The following ADCY5 variants were observed in gnomAD, a reference collection of about 807,000 sequenced individuals.
The protein encoded by ADCY5 is adenylate cyclase type 5.
A neutral mutation model predicts 119.7 loss-of-function variants in ADCY5; 30 were observed. The ratio of observed to expected loss-of-function variants is 0.25; its 90% CI spans 0.19 to 0.34. The LOEUF (loss-of-function observed/expected upper bound fraction) is 0.34, where lower values mean the gene tolerates loss of function less well. Among genes scored for constraint, ADCY5 ranks in the 10% least tolerant of loss-of-function variants. The pLI is 1.00. For missense variants in ADCY5, 1,324 were observed against 1,775.2 expected, an observed-to-expected ratio of 0.75 and a Z score of 4.57; for synonymous variants, 753 against 762.2, an observed-to-expected ratio of 0.99 and a Z score of 0.20.
chr3:123,448,624 G>T lies in ADCY5; in HGVS notation c.-79C>A. ...GTCTCCAAGGGGAGGGCGGACGGCCGAGCAGGGGGACCAGGCTAGGGTCAC... is the reference window on the plus strand; with the variant it reads ...GTCTCCAAGGGGAGGGCGGACGGCCTAGCAGGGGGACCAGGCTAGGGTCAC... On this transcript the variant is annotated 5_prime_UTR_variant, in exon 1 of 21. Transcript: ENST00000462833. The T allele has an allele frequency of 8.1e-7, 1 of 1,228,928 alleles. No homozygotes were observed. Among genetic ancestry groups the T allele is most frequent in the African/African-American group, 1.6e-5 (1 of 64,070 alleles). The allele number at this position is 1,228,928 out of a possible 1,614,324, so 76.1% of individuals were successfully genotyped here.
chr3:123,440,485 A>G (rs1247491247), intron 1 of ADCY5, among the ~76,000 whole-genome samples: 1 of 142,634 alleles, frequency 7.0e-6, no homozygotes, highest in South Asian at 2.4e-4. Context: ...TTGTGACCAT[A>G]TCTCATTGTT....
intron 3 of ADCY5, among the ~76,000 whole-genome samples, chr3:123,334,206 A>G (rs181919537): frequency 6.6e-6 from 1 of 152,132 alleles, no homozygotes; most frequent in Non-Finnish European, 1.5e-5. Context: ...ATGTCATCTC[A>G]CTGAGTCCGC....
At chr3:123,393,154 C>CG (rs1559857918) in intron 1 of ADCY5, among the ~76,000 whole-genome samples, 2 of 152,168 alleles carry the variant, frequency 1.3e-5, no homozygotes, top group Admixed American at 6.5e-5. Flanking sequence ...CAAAAGAGCC[C>CG]GGGGTCGAGA....
At chr3:123,406,540 C>G (rs1245668545) in intron 1 of ADCY5, among the ~76,000 whole-genome samples, 2 of 152,240 alleles carry the variant, frequency 1.3e-5, no homozygotes, top group African/African-American at 4.8e-5. Flanking sequence ...TGCCCCTGAT[C>G]AGCAAAGCGG....
chr3:123,389,796 A>T (rs1944348856), intron 1 of ADCY5, among the ~76,000 whole-genome samples: 1 of 152,210 alleles, frequency 6.6e-6, no homozygotes, highest in Non-Finnish European at 1.5e-5. Flanking sequence ...CTCCAGCCTG[A>T]AGTGAATACC....
At chr3:123,345,551 C>T (rs1415363506) in intron 3 of ADCY5, among the ~76,000 whole-genome samples, 1 of 152,162 alleles carries the variant, frequency 6.6e-6, no homozygotes, top group Admixed American at 6.5e-5. Context: ...AGCTCAGTGA[C>T]TTGGCTCGTA....
At chr3:123,395,208 T>C (rs1329942175) in intron 1 of ADCY5, among the ~76,000 whole-genome samples, 2 of 152,202 alleles carry the variant, frequency 1.3e-5, no homozygotes. Flanking sequence ...ATCTGATAAA[T>C]GGGCAATCCA....
intron 3 of ADCY5, among the ~76,000 whole-genome samples, chr3:123,345,761 G>GACACACACACACACACACACACACAC (rs1491583420): frequency 1.7e-4 from 6 of 35,988 alleles, no homozygotes; most frequent in African/African-American, 6.3e-4. Flanking sequence ...CAGACAGACA[G>GACACACACACACACACACACACACAC]ACAGACAGAC....
chr3:123,320,215 T>A (rs1941146230), intron 9 of ADCY5, among the ~76,000 whole-genome samples: 1 of 152,202 alleles, frequency 6.6e-6, no homozygotes, highest in South Asian at 2.1e-4. Flanking sequence ...CAGTGAGAGT[T>A]TCTGCCAGTT....
chr3:123,359,095 T>G (rs1576620426), intron 1 of ADCY5, among the ~76,000 whole-genome samples: 1 of 150,078 alleles, frequency 6.7e-6, no homozygotes, highest in Non-Finnish European at 1.5e-5. Context: ...GGAAGACCCC[T>G]GCTCAGTTTG....
intron 1 of ADCY5, among the ~76,000 whole-genome samples, chr3:123,374,659 C>T (rs1432307311): frequency 2.0e-5 from 3 of 152,104 alleles, no homozygotes; most frequent in Non-Finnish European, 4.4e-5. Flanking sequence ...GGCTCCACCC[C>T]AGAAGGAAGA....
chr3:123,321,754 A>C (rs1306769646), intron 8 of ADCY5, among the ~76,000 whole-genome samples: 1 of 152,224 alleles, frequency 6.6e-6, no homozygotes, highest in East Asian at 1.9e-4. Context: ...TTGAAAATAC[A>C]AAAAGAGGGA....
At position 123,447,471 on chromosome 3, in the gene ADCY5, C is replaced by A. The variant is rs910201925; in HGVS notation, c.1075G>T (p.Ala359Ser). ...AAVLSGVLLS[A>S]LHLAIALRTN... is the part of the protein sequence containing the mutation. ...CGCAGGGCGATGGCCAGGTGGAGGG[C>A]GGACAGGAGCACCCCGCTGAGCACT... The change falls in exon 1 of 21, where the codon GCC (alanine) becomes TCC (serine). Residue 359 changes from alanine to serine, a missense_variant. Ala to Ser is a moderately conservative substitution (Grantham distance 99). Around this residue, in one of 6 missense-constraint regions of ADCY5, gnomAD observed 585 missense variants for 569.9 expected, o/e 1.03. Coordinates refer to ENST00000462833, the MANE Select transcript of ADCY5 (RefSeq NM_183357.3). The A allele has an allele frequency of 2.5e-6, 4 of 1,610,068 alleles. No homozygotes were observed. The South Asian group carries it at 4.4e-5, about 18-fold the overall frequency.
At chr3:123,296,440 C>G (rs1939517782) in intron 16 of ADCY5, among the ~76,000 whole-genome samples, 1 of 152,220 alleles carries the variant, frequency 6.6e-6, no homozygotes, top group African/African-American at 2.4e-5. Flanking sequence ...GCTCAGGCAG[C>G]CATTACTCCT....
At chr3:123,383,197 G>A (rs4678018) in intron 1 of ADCY5, among the ~76,000 whole-genome samples, 71,857 of 151,682 alleles carry the variant, frequency 0.47, 17,763 homozygotes, top group East Asian at 0.69. Flanking sequence ...AGCCCAGGCC[G>A]TAGGGAGGAG....
intron 11 of ADCY5, among the ~76,000 whole-genome samples, chr3:123,316,601 T>C (rs1018607980): frequency 7.9e-5 from 12 of 152,240 alleles, no homozygotes; most frequent in Non-Finnish European, 1.6e-4. Context: ...CAGAAGGTAC[T>C]GGCTTCGGGG....
chr3:123,345,761 G>GACACACACACACACACAC (rs1491583420), intron 3 of ADCY5, among the ~76,000 whole-genome samples: 8 of 36,032 alleles, frequency 2.2e-4, no homozygotes, highest in African/African-American at 8.3e-4. Context: ...CAGACAGACA[G>GACACACACACACACACAC]ACAGACAGAC....
intron 1 of ADCY5, among the ~76,000 whole-genome samples, chr3:123,396,558 G>GAAAGAAAGAAAGAAAGAA (rs1453795516): frequency 9.1e-5 from 11 of 120,874 alleles, no homozygotes; most frequent in African/African-American, 3.6e-4. Flanking sequence ...GAAAGAAAAA[G>GAAAGAAAGAAAGAAAGAA]AGAAAGAAAG....
chr3:123,408,372 C>T (rs1242018154), intron 1 of ADCY5, among the ~76,000 whole-genome samples: 3 of 147,582 alleles, frequency 2.0e-5, no homozygotes, highest in African/African-American at 5.0e-5. Context: ...TAAAGGCAGA[C>T]GTTGGCCGGG....
Sources: gnomAD v4.1 joint callset for allele counts (sites outside exome capture counted in the v4.1 genomes callset) on GRCh38, gnomAD v4.1.1 for gene constraint, gnomAD v4.1.1 regional missense constraint, MANE v1.5 for transcripts, NCBI Gene and HGNC (gene_info 2026-07-23, HGNC 2026-07-21) for gene names.